Variants in PRAF2 observed in about 807,000 individuals in gnomAD.
PRAF2 encodes the protein PRA1 domain family member 2.
A neutral mutation model predicts 9.7 loss-of-function variants in PRAF2; 5 were observed. That is an observed-to-expected ratio of 0.51 (90% confidence interval 0.27 to 1.08). The LOEUF (loss-of-function observed/expected upper bound fraction) is 1.08, where lower values mean the gene tolerates loss of function less well. PRAF2 is among the 50% of genes least tolerant of loss of function. The probability of loss-of-function intolerance (pLI) is 0.12; values close to 1 mark genes in which losing one functional copy is unlikely to be tolerated. For synonymous variants in PRAF2, 61 were observed against 76.6 expected (o/e 0.80, Z 1.06); for missense variants, 135 against 160.7 (o/e 0.84, Z 0.86).
rs782397747 is a variant in PRAF2 at position 49,073,965 on chromosome X, G to T, written c.23C>A (p.Pro8Gln). The T allele has an allele frequency of 4.2e-6, 5 of 1,204,169 alleles. No individual in the cohort carries two copies. The highest frequency in any genetic ancestry group is 4.5e-6 in the Non-Finnish European group (4 of 892,252). ...AACAAAGTCGTCCAGGGCGCGTAGC[G>T]GTGGCAGCCGCACCTCCGACATCCT... MSEVRLP[P>Q]LRALDDFVLG... Residue 8 changes from proline (P) to glutamine (Q), a missense_variant, in exon 1 of 3, where the codon CCG (proline) becomes CAG (glutamine). Transcript: ENST00000553851.
chrX:49,073,817 A>T lies in PRAF2; in HGVS notation c.171T>A (p.Ala57=). ...GCGCCTCCCTCCCTCACCCGGCGAG[A>T]GCGAGGCCGATGCCGAAGCAGAGAA... is the stretch of plus-strand genomic sequence containing the variant. ...NYLLCFGIGL[A]LAGYVRPLHT... is the part of the protein sequence containing the mutation. Residue 57 remains alanine, a synonymous_variant, in exon 1 of 3, where the codon GCT becomes GCA. Coordinates refer to ENST00000553851, the MANE Select transcript of PRAF2 (RefSeq NM_007213.3). 1 of 1,211,749 alleles carries T rather than the reference A, an allele frequency of 8.3e-7. No homozygotes were observed. Among genetic ancestry groups the T allele is most frequent in the Non-Finnish European group, 1.1e-6 (1 of 895,360 alleles).
chrX:49,073,791 G>A lies in PRAF2; in HGVS notation c.179+18C>T. 1 of 1,209,541 alleles carries A rather than the reference G, an allele frequency of 8.3e-7. No individual in the cohort carries two copies. The highest frequency in any genetic ancestry group is 1.1e-6 in the Non-Finnish European group (1 of 893,683). On this transcript the variant is annotated intron_variant, in intron 1 of 2. Transcript: ENST00000553851. ...GCTCTGCAGACGTCCCTGGCCAACC[G>A]GCGCCTCCCTCCCTCACCCGGCGAG...
At chrX:49,072,213 G>A (rs2065013576) in intron 2 of PRAF2, 1 of 603,566 alleles carries the variant, frequency 1.7e-6, no homozygotes, top group African/African-American at 2.3e-5. Flanking sequence ...GACGTGGCCA[G>A]TGGAAGGCAC....
In PRAF2 at chrX:49,071,572, A is replaced by G. The variant is rs2065010882; in HGVS notation, c.*297T>C. ...GGATGGGAGTGTCTCTGGGTTCACA[A>G]TTTGAAATTGGCCATGGATGCTCTG... On this transcript the variant is annotated 3_prime_UTR_variant, in exon 3 of 3. Transcript: ENST00000553851. The G allele has an allele frequency of 1.1e-5, 2 of 185,695 alleles. No homozygotes were observed. The highest frequency in any genetic ancestry group is 6.6e-5 in the African/African-American group (2 of 30,201). The allele number at this position is 185,695 out of a possible 1,213,427, so 15.3% of individuals were successfully genotyped here. A position where few individuals can be genotyped will look rare whatever the true frequency, so the allele number is the denominator to read the frequency against.
At chrX:49,072,334 TCCCAGCCC>T (rs1557083235) in intron 2 of PRAF2, 91 bp downstream of exon 2, 1 of 1,032,640 alleles carries the variant, frequency 9.7e-7, no homozygotes, top group Admixed American at 2.8e-5. Context: ...CCCTCGGGTT[TCCCAGCCC>T]CCTCTCAACC....
At position 49,072,617 on chromosome X, in the gene PRAF2, C is replaced by T. The variant is rs2065015299; in HGVS notation, c.213G>A (p.Ala71=). ...YVRPLHTLLS[A]LVVAVALGVL... is the part of the protein sequence containing the mutation. ...CGCCGAGGGCCACCGCCACTACCAGCGCGCTCAGGAGCGTATGAAGTGGCC... is the reference window on the plus strand; with the variant it reads ...CGCCGAGGGCCACCGCCACTACCAGTGCGCTCAGGAGCGTATGAAGTGGCC... Residue 71 remains alanine (A), a synonymous_variant, in exon 2 of 3, where the codon GCG becomes GCA. Transcript: ENST00000553851. 2 of 1,165,359 alleles carry T rather than the reference C, an allele frequency of 1.7e-6. No homozygotes were observed. Among genetic ancestry groups the T allele is most frequent in the East Asian group, 6.5e-5 (2 of 30,751 alleles).
At chrX:49,072,365 G>A in intron 2 of PRAF2, 68 bp downstream of exon 2, 3 of 1,125,496 alleles carry the variant, frequency 2.7e-6, no homozygotes, top group Non-Finnish European at 3.6e-6. Context: ...GGGACCGGCA[G>A]GGCTGGCCTG....
chrX:49,073,917 G>A lies in PRAF2; in HGVS notation c.71C>T (p.Ala24Val). The change falls in exon 1 of 3, where the codon GCT becomes GTT. Residue 24 changes from alanine (A) to valine (V), a missense_variant. Physicochemically the swap from Ala to Val is moderately conservative, Grantham distance 64. Transcript: ENST00000553851. Reference protein sequence around the residue: ...DFVLGSARLAAPDPCDPQRWC... With the variant: ...DFVLGSARLAVPDPCDPQRWC... Reference sequence around the variant, plus strand: ...TCGCTGCGGGTCGCATGGATCCGGAGCCGCCAGACGCGCCGACCCCAGAAC... The same window carrying A: ...TCGCTGCGGGTCGCATGGATCCGGAACCGCCAGACGCGCCGACCCCAGAAC... 3 of 1,211,546 alleles carry A rather than the reference G, an allele frequency of 2.5e-6. No individual in the cohort carries two copies. The highest frequency in any genetic ancestry group is 3.0e-5 in the East Asian group (1 of 33,815).
In PRAF2 at chrX:49,073,824, C is replaced by A; in HGVS notation, c.164G>T (p.Gly55Val). ...QTNYLLCFGI[G>V]LALAGYVRPL... ...CCTCCCTCACCCGGCGAGAGCGAGG[C>A]CGATGCCGAAGCAGAGAAGGTAGTT... is the stretch of plus-strand genomic sequence containing the variant. The change falls in exon 1 of 3, where the codon GGC becomes GTC. Residue 55 changes from glycine (G) to valine (V), a missense_variant. By Grantham distance (109) the Gly-to-Val change is moderately radical. Coordinates refer to ENST00000553851, the MANE Select transcript of PRAF2 (RefSeq NM_007213.3). 8.3e-7 allele frequency: 1 copy of A among 1,212,049 alleles called. No homozygotes were observed. The highest frequency in any genetic ancestry group is 1.1e-6 in the Non-Finnish European group (1 of 895,471).
At chrX:49,072,121 A>T in intron 2 of PRAF2, 113 bp from the exon 3 acceptor site, 20 of 935,417 alleles carry the variant, frequency 2.1e-5, no homozygotes, top group Non-Finnish European at 2.9e-5. Flanking sequence ...GTGAGCAGCC[A>T]GGACGCCTCA....
At chrX:49,073,545 C>T (rs1224153559) in intron 1 of PRAF2, among the ~76,000 whole-genome samples, 19 of 109,487 alleles carry the variant, frequency 1.7e-4, no homozygotes, top group African/African-American at 6.4e-4. Context: ...TGTCTCCATC[C>T]TCCCCATATC....
rs1294958465 is a variant in PRAF2, at chrX:49,072,657, G to A, written c.180-7C>T. On this transcript the variant is annotated splice_region_variant and splice_polypyrimidine_tract_variant and intron_variant, in intron 1 of 2. Transcript: ENST00000553851. ...ATGAAGTGGCCGCACGTACCTGCGG[G>A]TACAAGGGAACCAAGCTAGCCGGCC... 387 of 1,161,633 alleles carry A rather than the reference G, an allele frequency of 3.3e-4. 1 individual carries two copies. Among genetic ancestry groups the A allele is most frequent in the Non-Finnish European group, 2.3e-5 (20 of 870,956 alleles).
intron 2 of PRAF2, 123 bp downstream of exon 2, chrX:49,072,310 G>A: frequency 1.2e-6 from 1 of 851,656 alleles, no homozygotes; most frequent in Non-Finnish European, 1.6e-6. Flanking sequence ...GCTTTTAGCG[G>A]GGGCGTGGCG....
chrX:49,072,775 C>T (rs1338521204), intron 1 of PRAF2, 125 bp from the exon 2 acceptor site: 4 of 656,021 alleles, frequency 6.1e-6, no homozygotes, highest in African/African-American at 4.5e-5. Flanking sequence ...CACATCCTCC[C>T]ACCAGCCCTA....
At chrX:49,073,539 T>A (rs1557083481) in intron 1 of PRAF2, among the ~76,000 whole-genome samples, 1 of 107,714 alleles carries the variant, frequency 9.3e-6, no homozygotes, top group Non-Finnish European at 1.9e-5. Flanking sequence ...CACACTTGTC[T>A]CCATCCTCCC....
At position 49,071,542 on chromosome X, in the gene PRAF2, A is replaced by T. The variant is rs781830289; in HGVS notation, c.*327T>A. 164 of 153,967 alleles carry T rather than the reference A, an allele frequency of 1.1e-3. 1 individual carries two copies. The highest frequency in any genetic ancestry group is 1.8e-3 in the Non-Finnish European group (144 of 81,332). 12.7% of individuals were successfully genotyped at this position (153,967 alleles called of 1,213,427 possible). On this transcript the variant is annotated 3_prime_UTR_variant, in exon 3 of 3. Transcript: ENST00000553851. ...CCCAGTTTGGGGATGAGCATGGAGA[A>T]GGGTGGATGGGAGTGTCTCTGGGTT...
rs1557083274 is a variant in PRAF2, at chrX:49,072,455, G to A, written c.375C>T (p.Phe125=). Residue 125 remains phenylalanine, a synonymous_variant, in exon 2 of 3, where the codon TTC becomes TTT. Coordinates refer to ENST00000553851, the MANE Select transcript of PRAF2 (RefSeq NM_007213.3). ...CACGAAGCACCGGCCCGGCGATGCT[G>A]AACAGGAAGGTGCAAGCGCCGCCCG... ...WVAGGACTFL[F]SIAGPVLLIL... 8 of 1,193,326 alleles carry A rather than the reference G, an allele frequency of 6.7e-6. No individual in the cohort carries two copies. In the African/African-American group the frequency reaches 1.4e-4, roughly 21 times the overall value.
chrX:49,073,828 T>TGCCGAA lies in PRAF2; in HGVS notation c.154_159dup (p.Phe52_Gly53dup). On this transcript the variant is annotated inframe_insertion, in exon 1 of 3. Coordinates refer to ENST00000553851, the MANE Select transcript of PRAF2 (RefSeq NM_007213.3). ...CCTCACCCGGCGAGAGCGAGGCCGA[T>TGCCGAA]GCCGAAGCAGAGAAGGTAGTTGGTT... is the stretch of plus-strand genomic sequence containing the variant. 1 of 1,211,998 alleles carries TGCCGAA rather than the reference T, an allele frequency of 8.3e-7. No homozygotes were observed. The highest frequency in any genetic ancestry group is 1.1e-6 in the Non-Finnish European group (1 of 895,458).
At position 49,071,964 on chromosome X, in the gene PRAF2, T is replaced by C; in HGVS notation, c.442A>G (p.Lys148Glu). ...ASLRLRNLKN[K>E]IENKIESIGL... ...ATGCTCTCGATCTTGTTCTCAATCT[T>C]GTTCTTAAGGTTGCGCAGGCGCAAC... The change falls in exon 3 of 3, where the codon AAG becomes GAG. Residue 148 changes from lysine to glutamate, a missense_variant. By Grantham distance (56) the Lys-to-Glu change is moderately conservative (BLOSUM62 1). Coordinates refer to ENST00000553851, the MANE Select transcript of PRAF2 (RefSeq NM_007213.3). 8.3e-7 allele frequency: 1 copy of C among 1,210,498 alleles called. No homozygotes were observed.
Sources: gnomAD v4.1 joint callset for allele counts (sites outside exome capture counted in the v4.1 genomes callset) on GRCh38, gnomAD v4.1.1 for gene constraint, MANE v1.5 for transcripts, NCBI Gene and HGNC (gene_info 2026-07-23, HGNC 2026-07-21) for gene names.